C22orf15: variants seen among roughly 807,000 people sequenced by gnomAD.
The protein encoded by C22orf15 is uncharacterized protein C22orf15.
C22orf15 carries 21 observed loss-of-function variants against 20.3 expected under a neutral mutation model. The ratio of observed to expected loss-of-function variants is 1.04; its 90% CI spans 0.74 to 1.49. C22orf15 has a LOEUF of 1.49. Among genes scored for constraint, C22orf15 ranks in the 40% most tolerant of loss-of-function variants. The probability of loss-of-function intolerance (pLI) is 0.00; values close to 1 mark genes in which losing one functional copy is unlikely to be tolerated. For missense variants in C22orf15, 170 were observed against 191.1 expected (o/e 0.89, Z 0.65); for synonymous variants, 78 against 75.4 (o/e 1.03, Z -0.18).
chr22:23,765,332 T>A (rs1344593247), intron 5 of C22orf15: 1 of 1,547,636 alleles, frequency 6.5e-7, no homozygotes, highest in Non-Finnish European at 8.7e-7. Flanking sequence ...CAAGTTGGAC[T>A]CAGACCCAAG....
At position 23,763,848 on chromosome 22, in the gene C22orf15, G is replaced by C. The variant is rs1016274471; in HGVS notation, c.26-239G>C. Among the ~76,000 whole-genome samples the C allele has an allele frequency of 6.6e-5, 10 of 152,368 alleles. No homozygotes were observed. In the East Asian group the frequency reaches 1.9e-3, roughly 29 times the overall value. ...ACTTCGTGCTTTGCAGGACTCAAGA[G>C]ACCAACACTTGGGAGTCACCACACA... On this transcript the variant is annotated intron_variant, in intron 1 of 5. Coordinates refer to ENST00000402217, the MANE Select transcript of C22orf15 (RefSeq NM_182520.3).
At chr22:23,764,925 G>A (rs1330059808) in intron 5 of C22orf15, 23 bp downstream of exon 5, 1 of 1,595,688 alleles carries the variant, frequency 6.3e-7, no homozygotes, top group Non-Finnish European at 8.5e-7. Context: ...CCACCCAGGA[G>A]TTGCTAGCTG....
At chr22:23,763,363 TA>T (rs974141631) in intron 1 of C22orf15, 32 bp downstream of exon 1, 90 of 1,541,972 alleles carry the variant, frequency 5.8e-5, no homozygotes, top group African/African-American at 3.6e-4. Context: ...GGTAGGCGGA[TA>T]GGGGGATGAG....
chr22:23,765,364 C>T (rs990471596), intron 5 of C22orf15: 5 of 1,550,854 alleles, frequency 3.2e-6, no homozygotes, highest in South Asian at 1.2e-5. Flanking sequence ...TGACCTCTGC[C>T]TTGTGTGATC....
chr22:23,763,294 AC>A lies in C22orf15; in HGVS notation c.-10del. On this transcript the variant is annotated 5_prime_UTR_variant, in exon 1 of 6. Coordinates refer to ENST00000402217, the MANE Select transcript of C22orf15 (RefSeq NM_182520.3). The stretch of plus-strand genomic sequence containing the variant: ...GATCAAAGCCCCCCACATCTCCCTC[AC>A]CCGCTGCAGCTATGTTTATCAAGGT... The A allele has an allele frequency of 6.5e-7, 1 of 1,550,046 alleles. No homozygotes were observed. Among genetic ancestry groups the A allele is most frequent in the Non-Finnish European group, 8.7e-7 (1 of 1,146,548 alleles).
chr22:23,763,858 T>C (rs1412089787), intron 1 of C22orf15, among the ~76,000 whole-genome samples: 2 of 152,144 alleles, frequency 1.3e-5, no homozygotes, highest in Non-Finnish European at 2.9e-5. Flanking sequence ...GACCAACACT[T>C]GGGAGTCACC....
intron 1 of C22orf15, 97 bp downstream of exon 1, chr22:23,763,428 C>T: frequency 4.0e-6 from 4 of 1,002,070 alleles, no homozygotes; most frequent in Non-Finnish European, 5.3e-6. Context: ...GAGGCAATGG[C>T]GGGAAAGGGG....
rs558631945 is a variant in C22orf15 at position 23,763,365 on chromosome 22, G to C, written c.25+34G>C. ...GGTCCCCTGTCTTGGTAGGCGGATA[G>C]GGGGATGAGCACACTCAGAGGCGTG... On this transcript the variant is annotated intron_variant, in intron 1 of 5. Transcript: ENST00000402217. 8.5e-5 allele frequency: 131 copies of C among 1,543,726 alleles called. 1 individual carries two copies. Among genetic ancestry groups the C allele is most frequent in the Middle Eastern group, 3.7e-4 (2 of 5,476 alleles).
intron 5 of C22orf15, chr22:23,765,109 C>T (rs934745403): frequency 1.2e-5 from 17 of 1,437,128 alleles, no homozygotes; most frequent in South Asian, 1.0e-4. Flanking sequence ...CACCACCCCA[C>T]GGGAGTGCCA....
In C22orf15 at chr22:23,764,368, G is replaced by C; in HGVS notation, c.221G>C (p.Arg74Pro). Residue 74 changes from arginine to proline, a missense_variant, in exon 3 of 6, where the codon CGA becomes CCA. Transcript: ENST00000402217. ...ATGGGCAACTCCCTACTGAAGGAGC[G>C]AGCCATATATGTCCTCGTTCGGATC... ...QTMGNSLLKE[R>P]AIYVLVRIIK... The C allele has an allele frequency of 2.6e-6, 4 of 1,552,724 alleles. No individual in the cohort carries two copies. The South Asian group carries it at 4.7e-5, about 18-fold the overall frequency.
chr22:23,763,101 A>C lies in C22orf15; in HGVS notation c.-206A>C. On this transcript the variant is annotated 5_prime_UTR_variant, in exon 1 of 6. Coordinates refer to ENST00000402217, the MANE Select transcript of C22orf15 (RefSeq NM_182520.3). ...AGGCCAGGAGTCTTGGACTAGCTGC[A>C]GGGTTTGAGCTAGGCTGAAGCAGCA... 1 of 617,794 alleles carries C rather than the reference A, an allele frequency of 1.6e-6. No homozygotes were observed. Among genetic ancestry groups the C allele is most frequent in the Non-Finnish European group, 2.8e-6 (1 of 363,494 alleles). The allele number at this position is 617,794 out of a possible 1,614,324, so 38.3% of individuals were successfully genotyped here.
At position 23,764,828 on chromosome 22, in the gene C22orf15, G is replaced by C; in HGVS notation, c.361G>C (p.Gly121Arg). Residue 121 changes from glycine to arginine, a missense_variant, in exon 5 of 6, where the codon GGC becomes CGC. Coordinates refer to ENST00000402217, the MANE Select transcript of C22orf15 (RefSeq NM_182520.3). ...CAGGCTGTCAGGCCTCTCCTCTGTGGGCCACAACTGGAGGAAGCGTATGGG... is the reference window on the plus strand; with the variant it reads ...CAGGCTGTCAGGCCTCTCCTCTGTGCGCCACAACTGGAGGAAGCGTATGGG... The part of the protein sequence containing the change: ...LRRLSGLSSV[G>R]HNWRKRMGTR... 1 of 1,613,950 alleles carries C rather than the reference G, an allele frequency of 6.2e-7. No individual in the cohort carries two copies. Among genetic ancestry groups the C allele is most frequent in the South Asian group, 1.1e-5 (1 of 91,086 alleles).
At chr22:23,765,620 T>A in intron 5 of C22orf15, 101 bp from the exon 6 acceptor site, 1 of 1,511,814 alleles carries the variant, frequency 6.6e-7, no homozygotes, top group Non-Finnish European at 8.9e-7. Context: ...GCCCTTGGGA[T>A]CACCGACTAA....
intron 5 of C22orf15, chr22:23,765,478 G>A (rs779674377): frequency 2.0e-5 from 31 of 1,550,630 alleles, no homozygotes; most frequent in South Asian, 1.1e-4. Flanking sequence ...ATTTGAGGCC[G>A]CCAGGGGCAC....
At chr22:23,765,478 G>T (rs779674377) in intron 5 of C22orf15, 4 of 1,550,748 alleles carry the variant, frequency 2.6e-6, no homozygotes, top group South Asian at 1.2e-5. Context: ...ATTTGAGGCC[G>T]CCAGGGGCAC....
intron 1 of C22orf15, 76 bp downstream of exon 1, chr22:23,763,407 CG>C (rs1569144342): frequency 3.4e-6 from 4 of 1,190,560 alleles, no homozygotes; most frequent in East Asian, 8.0e-5. Flanking sequence ...TCCGCCCTTG[CG>C]GTGGGTGGGG....
rs1925997029 is a variant in C22orf15 at position 23,763,243 on chromosome 22, CT to C, written c.-62del. 6.5e-7 allele frequency: 1 copy of C among 1,547,064 alleles called. No individual in the cohort carries two copies. The highest frequency in any genetic ancestry group is 8.7e-7 in the Non-Finnish European group (1 of 1,144,408). ...AGCAGGTCTCTGCTCCACGCTTTTC[CT>C]TAGTTGGGGAATCGAGAGTTGGGGG... is the stretch of plus-strand genomic sequence containing the variant. On this transcript the variant is annotated 5_prime_UTR_variant, in exon 1 of 6. Transcript: ENST00000402217.
At chr22:23,765,664 A>G in intron 5 of C22orf15, 57 bp from the exon 6 acceptor site, 18 of 1,526,466 alleles carry the variant, frequency 1.2e-5, no homozygotes, top group Non-Finnish European at 1.6e-5. Context: ...TGCCCAAGGA[A>G]TCTGTCCTGT....
Position 23,763,279 on chromosome 22 carries a change from C to T in C22orf15, c.-28C>T. 1.3e-6 allele frequency: 2 copies of T among 1,550,040 alleles called. No homozygotes were observed. The highest frequency in any genetic ancestry group is 1.7e-6 in the Non-Finnish European group (2 of 1,146,570). ...AATCGAGAGTTGGGGGATCAAAGCCCCCCACATCTCCCTCACCCGCTGCAG... is the reference window on the plus strand; with the variant it reads ...AATCGAGAGTTGGGGGATCAAAGCCTCCCACATCTCCCTCACCCGCTGCAG... On this transcript the variant is annotated 5_prime_UTR_variant, in exon 1 of 6. Transcript: ENST00000402217.
Sources: gnomAD v4.1 joint callset for allele counts (sites outside exome capture counted in the v4.1 genomes callset) on GRCh38, gnomAD v4.1.1 for gene constraint, MANE v1.5 for transcripts, NCBI Gene and HGNC (gene_info 2026-07-23, HGNC 2026-07-21) for gene names.